NCOA6: variants seen among roughly 807,000 people sequenced by gnomAD.
NCOA6 encodes the protein nuclear receptor coactivator 6, also known as NRC RAP250.
NCOA6 carries 49 observed loss-of-function variants against 171.4 expected under a neutral mutation model. The observed-to-expected ratio is 0.29, with a 90% confidence interval of 0.23 to 0.36. The LOEUF (loss-of-function observed/expected upper bound fraction) is 0.36. NCOA6 is among the 10% of genes least tolerant of loss of function. The pLI, the probability that NCOA6 is intolerant of heterozygous loss-of-function variation, is 1.00. For missense variants in NCOA6, 2,248 were observed against 2,554.5 expected (o/e 0.88, Z 2.59); for synonymous variants, 910 against 927.5 (o/e 0.98, Z 0.34).
Position 34,742,160 on chromosome 20 carries a change from G to C in NCOA6, c.4096C>G (p.Gln1366Glu), listed in dbSNP as rs201849552. 1.1e-5 allele frequency: 18 copies of C among 1,614,202 alleles called. No individual in the cohort carries two copies. In the East Asian group the frequency reaches 4.0e-4, roughly 36 times the overall value. ...LASQTNAALLQNVELPRNVLV... is the reference protein window; with the variant it reads ...LASQTNAALLENVELPRNVLV... ...ACATTTCTCGGCAACTCCACATTCTGCAATAGGGCTGCATTTGTCTGAGAG... is the reference window on the plus strand; with the variant it reads ...ACATTTCTCGGCAACTCCACATTCTCCAATAGGGCTGCATTTGTCTGAGAG... Residue 1366 changes from glutamine to glutamate, a missense_variant, in exon 11 of 15, where the codon CAG becomes GAG. Physicochemically the swap from Gln to Glu is conservative, Grantham distance 29. Around this residue, in one of 7 missense-constraint regions of NCOA6, gnomAD observed 884 missense variants for 941.9 expected, o/e 0.94. Transcript: ENST00000359003.
chr20:34,736,830 C>A (rs1020343078), intron 11 of NCOA6, 72 bp from the exon 12 acceptor site: 3 of 1,356,096 alleles, frequency 2.2e-6, no homozygotes, highest in East Asian at 4.9e-5. Flanking sequence ...TTAACCTAAT[C>A]AAGGGCTAAG....
At chr20:34,777,333 C>T (rs771840014) in intron 3 of NCOA6, among the ~76,000 whole-genome samples, 4 of 151,990 alleles carry the variant, frequency 2.6e-5, no homozygotes, top group Non-Finnish European at 5.9e-5. Context: ...CTGCGGGGCA[C>T]GGTGGCTCAC....
At chr20:34,726,386 A>T (rs759806953) in intron 14 of NCOA6, among the ~76,000 whole-genome samples, 15 of 152,130 alleles carry the variant, frequency 9.9e-5, no homozygotes, top group Non-Finnish European at 1.6e-4. Flanking sequence ...GAAAGTGTGG[A>T]CCAGAGGTTT....
At position 34,742,479 on chromosome 20, in the gene NCOA6, A is replaced by C. The variant is rs1248475210; in HGVS notation, c.3777T>G (p.Pro1259=). The C allele has an allele frequency of 1.9e-6, 3 of 1,614,186 alleles. No individual in the cohort carries two copies. Among genetic ancestry groups the C allele is most frequent in the East Asian group, 4.5e-5 (2 of 44,884 alleles). Residue 1259 remains proline, a synonymous_variant, in exon 11 of 15, where the codon CCT becomes CCG. Coordinates refer to ENST00000359003, the MANE Select transcript of NCOA6 (RefSeq NM_014071.5). ...TGTTTAAATTTGGCCTAGGAGGTAA[A>C]GGAATATTAATCTGTGGAGGGAAGA... ...AGLFPPQINI[P]LPPRPNLNRG... is the part of the protein sequence containing the mutation.
chr20:34,754,854 G>A lies in NCOA6; in HGVS notation c.1543C>T (p.Leu515Phe), dbSNP rs200976626. 8.7e-5 allele frequency: 140 copies of A among 1,614,082 alleles called. No individual in the cohort carries two copies. The East Asian group carries it at 3.0e-3, about 35-fold the overall frequency. ...TGTCCTGCTGAGAAGCCAGGTGGGA[G>A]GCGTTTAGGCATTCCTTAATAGAAA... ...HPGLGGMPKR[L>F]PPGFSAGQAN... Residue 515 changes from leucine (L) to phenylalanine (F), a missense_variant, in exon 8 of 15, where the codon CTC becomes TTC. This residue lies in a region of NCOA6 where 987 missense variants were observed against 1,104.7 expected (regional missense o/e 0.89). Transcript: ENST00000359003.
intron 8 of NCOA6, among the ~76,000 whole-genome samples, chr20:34,752,928 AAC>A (rs1555829120): frequency 1.3e-5 from 2 of 151,644 alleles, no homozygotes; most frequent in African/African-American, 2.4e-5. Context: ...AAAAAAAAAA[AAC>A]ACACACAAAG....
chr20:34,740,774 A>C lies in NCOA6; in HGVS notation c.5482T>G (p.Leu1828Val), dbSNP rs1347845219. 1 of 1,614,218 alleles carries C rather than the reference A, an allele frequency of 6.2e-7. No individual in the cohort carries two copies. Among genetic ancestry groups the C allele is most frequent in the South Asian group, 1.1e-5 (1 of 91,086 alleles). Residue 1828 changes from leucine (L) to valine (V), a missense_variant, in exon 11 of 15, where the codon TTG becomes GTG. Around this residue, in one of 7 missense-constraint regions of NCOA6, gnomAD observed 884 missense variants for 941.9 expected, o/e 0.94. Transcript: ENST00000359003. ...GKVDKIGQIL[L>V]TKACKKVTGS... ...GTAACTTTCTTACATGCCTTGGTCA[A>C]CAAAATTTGGCCAATTTTGTCCACT...
rs544045424 is a variant in NCOA6 at position 34,731,279 on chromosome 20, C to T, written c.5999+1280G>A. 3.2e-3 allele frequency among the ~76,000 whole-genome samples: 492 copies of T among 152,314 alleles called. 2 individuals carry two copies. Among genetic ancestry groups the T allele is most frequent in the Middle Eastern group, 0.014 (4 of 294 alleles). ...AAATGATCTGCCTGCCTCGGCCTCCCAAAGTGCTGGGATTACAGGCGTGAG... is the reference window on the plus strand; with the variant it reads ...AAATGATCTGCCTGCCTCGGCCTCCTAAAGTGCTGGGATTACAGGCGTGAG... On this transcript the variant is annotated intron_variant, in intron 13 of 14. Coordinates refer to ENST00000359003, the MANE Select transcript of NCOA6 (RefSeq NM_014071.5).
rs111988360 is a variant in NCOA6, at chr20:34,782,202, A to G, written c.154T>C (p.Phe52Leu). The G allele has an allele frequency of 1.0e-3, 1,674 of 1,612,682 alleles. 6 individuals carry two copies. Among genetic ancestry groups the G allele is most frequent in the Non-Finnish European group, 9.9e-4 (1,164 of 1,179,300 alleles). The part of the protein sequence containing the change: ...ILEDSTIFVA[F>L]KGNIDDKDFK... ...TCTTTATCATCTATATTTCCTTTGA[A>G]GGCCACAAAAATTGTGGAATCCTCC... The change falls in exon 3 of 15, where the codon TTC becomes CTC. Residue 52 changes from phenylalanine to leucine, a missense_variant. Transcript: ENST00000359003.
intron 11 of NCOA6, among the ~76,000 whole-genome samples, chr20:34,738,283 T>G (rs1486120893): frequency 6.6e-6 from 1 of 152,140 alleles, no homozygotes; most frequent in Non-Finnish European, 1.5e-5. Context: ...AAAGTGAGTG[T>G]TCTTAACTAA....
At chr20:34,720,990 G>A (rs565081834) in intron 14 of NCOA6, among the ~76,000 whole-genome samples, 2 of 152,272 alleles carry the variant, frequency 1.3e-5, no homozygotes, top group South Asian at 4.1e-4. Flanking sequence ...AAAGGTAACT[G>A]TGATACTACA....
chr20:34,776,036 T>C (rs1190962531), intron 4 of NCOA6, among the ~76,000 whole-genome samples: 1 of 152,144 alleles, frequency 6.6e-6, no homozygotes, highest in African/African-American at 2.4e-5. Flanking sequence ...AATCAAAGTC[T>C]GAAAGACTGA....
chr20:34,824,989 T>C (rs2079108215), intron 1 of NCOA6, among the ~76,000 whole-genome samples: 1 of 152,106 alleles, frequency 6.6e-6, no homozygotes, highest in Non-Finnish European at 1.5e-5. Context: ...ATTAGGGCTC[T>C]AACACCGCCT....
In NCOA6 at chr20:34,758,021, T is replaced by A; in HGVS notation, c.727A>T (p.Met243Leu). 1 of 1,613,888 alleles carries A rather than the reference T, an allele frequency of 6.2e-7. No individual in the cohort carries two copies. Among genetic ancestry groups the A allele is most frequent in the Non-Finnish European group, 8.5e-7 (1 of 1,179,994 alleles). Residue 243 changes from methionine (M) to leucine (L), a missense_variant, in exon 7 of 15, where the codon ATG becomes TTG. Coordinates refer to ENST00000359003, the MANE Select transcript of NCOA6 (RefSeq NM_014071.5). Reference protein sequence around the residue: ...SGSLAPPHHPMQPVSVNRQMN... With the variant: ...SGSLAPPHHPLQPVSVNRQMN... ...TGTCTGTTCACAGAGACAGGCTGCA[T>A]TGGGTGATGTGGGGGAGCTAAAGAT...
intron 10 of NCOA6, among the ~76,000 whole-genome samples, chr20:34,744,114 G>T (rs2076233216): frequency 6.6e-6 from 1 of 152,146 alleles, no homozygotes; most frequent in Non-Finnish European, 1.5e-5. Context: ...ATATTAATTT[G>T]CACTTACTTT....
chr20:34,748,482 T>C (rs558906177), intron 9 of NCOA6, among the ~76,000 whole-genome samples: 1 of 152,222 alleles, frequency 6.6e-6, no homozygotes, highest in Non-Finnish European at 1.5e-5. Context: ...TTTCTATAAT[T>C]CTAACAATTT....
rs200658438 is a variant in NCOA6 at position 34,742,668 on chromosome 20, G to C, written c.3588C>G (p.His1196Gln). 1 of 1,614,214 alleles carries C rather than the reference G, an allele frequency of 6.2e-7. No homozygotes were observed. Among genetic ancestry groups the C allele is most frequent in the African/African-American group, 1.3e-5 (1 of 75,050 alleles). ...GGGTTGGCGCAGCCACATTTGGGAA[G>C]TGGTGGCCGTGAGAGCTGGGCAGGG... Reference protein sequence around the residue: ...VNSLPSSHGHHFPNVAAPTQT... With the variant: ...VNSLPSSHGHQFPNVAAPTQT... The change falls in exon 11 of 15, where the codon CAC becomes CAG. Residue 1196 changes from histidine to glutamine, a missense_variant. Transcript: ENST00000359003.
At chr20:34,797,488 T>C (rs1003746922) in intron 1 of NCOA6, among the ~76,000 whole-genome samples, 2 of 152,026 alleles carry the variant, frequency 1.3e-5, no homozygotes, top group African/African-American at 2.4e-5. Flanking sequence ...TGGTATTTGC[T>C]GTGGGGCCAT....
intron 1 of NCOA6, among the ~76,000 whole-genome samples, chr20:34,815,367 A>G (rs1343704456): frequency 6.6e-6 from 1 of 151,780 alleles, no homozygotes; most frequent in African/African-American, 2.4e-5. Context: ...ACAAAGCGAG[A>G]CTCTATTTTT....
Sources: allele counts gnomAD v4.1 joint callset (sites outside exome capture counted in the v4.1 genomes callset), GRCh38; gene constraint gnomAD v4.1.1; regional missense constraint gnomAD v4.1.1; transcripts MANE v1.5; gene names NCBI Gene and HGNC (gene_info 2026-07-23, HGNC 2026-07-21).